Variants in PTPRE observed in about 807,000 individuals in gnomAD.
The protein encoded by PTPRE is receptor-type tyrosine-protein phosphatase epsilon.
PTPRE carries 51 observed loss-of-function variants against 102.0 expected under a neutral mutation model. The ratio of observed to expected loss-of-function variants is 0.50; its 90% CI spans 0.40 to 0.63. PTPRE has a LOEUF of 0.63. PTPRE is among the 30% of genes least tolerant of loss of function. PTPRE has a pLI of 0.00. For synonymous variants in PTPRE, 345 were observed against 348.2 expected, an observed-to-expected ratio of 0.99 and a Z score of 0.10; for missense variants, 752 against 915.1, an observed-to-expected ratio of 0.82 and a Z score of 2.30.
chr10:127,924,832 G>T (rs547521599), intron 1 of PTPRE, among the ~76,000 whole-genome samples: 3 of 152,216 alleles, frequency 2.0e-5, no homozygotes, highest in African/African-American at 7.2e-5. Context: ...GAGCATTGAA[G>T]TAGCTGAGCT....
At chr10:127,942,416 C>G (rs1232827938) in intron 1 of PTPRE, among the ~76,000 whole-genome samples, 2 of 152,204 alleles carry the variant, frequency 1.3e-5, no homozygotes, top group Admixed American at 6.5e-5. Flanking sequence ...CAAAGCTATG[C>G]CTTTGTGGGC....
chr10:128,017,755 C>T (rs1034443207), intron 2 of PTPRE, among the ~76,000 whole-genome samples: 4 of 152,166 alleles, frequency 2.6e-5, no homozygotes, highest in Non-Finnish European at 5.9e-5. Flanking sequence ...TGCACCGAGG[C>T]TTTTGGAGGC....
At chr10:128,031,787 G>T (rs1250909071) in intron 2 of PTPRE, among the ~76,000 whole-genome samples, 1 of 152,156 alleles carries the variant, frequency 6.6e-6, no homozygotes, top group Non-Finnish European at 1.5e-5. Context: ...TATGTGTTTT[G>T]TTGAGAGAAG....
chr10:127,914,470 AAC>A (rs555071446), intron 1 of PTPRE, among the ~76,000 whole-genome samples: 2 of 152,182 alleles, frequency 1.3e-5, no homozygotes, highest in Non-Finnish European at 2.9e-5. Flanking sequence ...CTTGTTATAA[AAC>A]ACACTTTCAG....
chr10:127,958,774 T>C (rs1423064473), intron 1 of PTPRE, among the ~76,000 whole-genome samples: 1 of 152,176 alleles, frequency 6.6e-6, no homozygotes, highest in Non-Finnish European at 1.5e-5. Flanking sequence ...TTTAATTTAT[T>C]TCTTAAATAT....
chr10:128,035,869 C>T (rs1422207125), intron 2 of PTPRE, among the ~76,000 whole-genome samples: 1 of 152,130 alleles, frequency 6.6e-6, no homozygotes, highest in Admixed American at 6.5e-5. Context: ...GAGAGAAAGT[C>T]AGGGACTGGG....
At position 128,079,544 on chromosome 10, in the gene PTPRE, C is replaced by T. The variant is rs762761269; in HGVS notation, c.1893-16C>T. On this transcript the variant is annotated splice_polypyrimidine_tract_variant and intron_variant, in intron 19 of 20. Coordinates refer to ENST00000254667, the MANE Select transcript of PTPRE (RefSeq NM_006504.6). ...TGCAAGTCGGATGATCTGCATTAAG[C>T]GCTTTTTCTCTGCAGTGCCGGAGCT... 9.3e-6 allele frequency: 15 copies of T among 1,612,368 alleles called. No individual in the cohort carries two copies. The highest frequency in any genetic ancestry group is 1.7e-4 in the Middle Eastern group (1 of 5,742).
At position 127,914,785 on chromosome 10, in the gene PTPRE, A is replaced by C. The variant is rs74367370; in HGVS notation, c.-31+7476A>C. 1.5e-3 allele frequency among the ~76,000 whole-genome samples: 231 copies of C among 152,262 alleles called. No individual in the cohort carries two copies. The East Asian group carries it at 0.02, about 13-fold the overall frequency. ...GAGCTTTTATCTTCCAATCTTGTCAACCGAGGAGACCTGGAAGTTCCCTTT... is the reference window on the plus strand; with the variant it reads ...GAGCTTTTATCTTCCAATCTTGTCACCCGAGGAGACCTGGAAGTTCCCTTT... On this transcript the variant is annotated intron_variant, in intron 1 of 20. Transcript: ENST00000254667.
At chr10:127,981,634 A>G (rs1285473571) in intron 1 of PTPRE, among the ~76,000 whole-genome samples, 1 of 152,110 alleles carries the variant, frequency 6.6e-6, no homozygotes, top group East Asian at 1.9e-4. Context: ...CCTGGCCAAC[A>G]TGGTGAAACC....
intron 1 of PTPRE, among the ~76,000 whole-genome samples, chr10:127,921,374 G>A (rs1426383567): frequency 1.3e-5 from 2 of 152,214 alleles, no homozygotes; most frequent in Admixed American, 6.5e-5. Flanking sequence ...AGACGGAGGA[G>A]TGATGCCTAT....
chr10:128,056,026 A>G (rs1373451546), intron 6 of PTPRE, 97 bp from the exon 7 acceptor site: 1 of 948,962 alleles, frequency 1.1e-6, no homozygotes, highest in African/African-American at 1.6e-5. Flanking sequence ...AGTTTGCTCC[A>G]CGTGTTTTCA....
intron 2 of PTPRE, among the ~76,000 whole-genome samples, chr10:127,990,636 C>T (rs1852549622): frequency 1.3e-5 from 2 of 152,050 alleles, no homozygotes; most frequent in African/African-American, 4.8e-5. Flanking sequence ...CTGCATGTGT[C>T]GGCCATGACG....
chr10:128,078,704 G>A (rs954247510), intron 19 of PTPRE, among the ~76,000 whole-genome samples: 4 of 152,168 alleles, frequency 2.6e-5, no homozygotes, highest in African/African-American at 9.7e-5. Context: ...CTCGGTTTTT[G>A]GTTTTCCTGG....
intron 2 of PTPRE, among the ~76,000 whole-genome samples, chr10:128,022,650 A>G (rs531671862): frequency 1.2e-4 from 18 of 152,284 alleles, no homozygotes; most frequent in African/African-American, 4.3e-4. Context: ...GCCCTGACTC[A>G]CAGGAGCTCA....
intron 2 of PTPRE, among the ~76,000 whole-genome samples, chr10:127,995,119 A>G (rs7081459): frequency 0.7 from 105,760 of 151,946 alleles, 37,553 homozygotes; most frequent in African/African-American, 0.85. Context: ...CAGGGCAGAG[A>G]GTCAGCAGCT....
At chr10:128,035,417 G>C (rs75486907) in intron 2 of PTPRE, among the ~76,000 whole-genome samples, 2 of 152,154 alleles carry the variant, frequency 1.3e-5, no homozygotes, top group African/African-American at 2.4e-5. Context: ...AAATGTTTTA[G>C]AGAAGCATAT....
chr10:127,973,551 TA>T lies in PTPRE; in HGVS notation c.-30-8722del, dbSNP rs558567828. ...TTTACAAATGTTTCAGCAAAGTGGC[TA>T]GTCGATTGGCAGATTTTTCATTCAT... On this transcript the variant is annotated intron_variant, in intron 1 of 20. Coordinates refer to ENST00000254667, the MANE Select transcript of PTPRE (RefSeq NM_006504.6). 3.5e-3 allele frequency among the ~76,000 whole-genome samples: 526 copies of T among 152,298 alleles called. 10 individuals carry two copies. The highest frequency in any genetic ancestry group is 0.029 in the Admixed American group (446 of 15,282).
intron 2 of PTPRE, among the ~76,000 whole-genome samples, chr10:128,022,915 G>C (rs1045428762): frequency 2.6e-5 from 4 of 152,242 alleles, no homozygotes; most frequent in African/African-American, 9.6e-5. Context: ...GGCTGTGGCA[G>C]CTGAACATCT....
intron 3 of PTPRE, 142 bp from the exon 4 acceptor site, chr10:128,047,248 G>T: frequency 8.1e-7 from 1 of 1,227,082 alleles, no homozygotes; most frequent in Non-Finnish European, 1.1e-6. Context: ...GTTACCTCGT[G>T]GGGCCTTTTC....
Sources: allele counts gnomAD v4.1 joint callset (sites outside exome capture counted in the v4.1 genomes callset), GRCh38; gene constraint gnomAD v4.1.1; transcripts MANE v1.5; gene names NCBI Gene and HGNC (gene_info 2026-07-23, HGNC 2026-07-21).